The following FGD4 variants were observed in gnomAD, a reference collection of about 807,000 sequenced individuals.
The protein encoded by FGD4 is FYVE, RhoGEF and PH domain-containing protein 4.
A neutral mutation model predicts 102.0 loss-of-function variants in FGD4; 42 were observed. The ratio of observed to expected loss-of-function variants is 0.41; its 90% CI spans 0.32 to 0.53. FGD4 has a LOEUF of 0.53. Among genes scored for constraint, FGD4 ranks in the 20% least tolerant of loss-of-function variants. The probability of loss-of-function intolerance (pLI) is 0.21; values close to 1 mark genes in which losing one functional copy is unlikely to be tolerated. For synonymous variants in FGD4, 380 were observed against 375.7 expected, an observed-to-expected ratio of 1.01 and a Z score of -0.13; for missense variants, 902 against 1,078.2, an observed-to-expected ratio of 0.84 and a Z score of 2.29.
chr12:32,633,518 G>T, intron 14 of FGD4, 31 bp from the exon 15 acceptor site: 2 of 1,598,006 alleles, frequency 1.3e-6, no homozygotes, highest in South Asian at 2.2e-5. Flanking sequence ...CTTTAAATAT[G>T]ATTACTGTTC....
Position 32,585,834 on chromosome 12 carries a change from CAAAA to C in FGD4, c.1011+3390_1011+3393del, listed in dbSNP as rs58688697. Among the ~76,000 whole-genome samples the C allele has an allele frequency of 1.1e-3, 75 of 68,782 alleles. 1 individual carries two copies. The highest frequency in any genetic ancestry group is 7.1e-3 in the Middle Eastern group (1 of 140). The allele number at this position is 68,782 out of a possible 152,430, so 45.1% of individuals were successfully genotyped here. A position where few individuals can be genotyped will look rare whatever the true frequency, so the allele number is the denominator to read the frequency against. The stretch of plus-strand genomic sequence containing the variant: ...GGGCCACAGAGCTGAGACCTTGTCT[CAAAA>C]AAAAAAAAAAAAAAAAAAAAAAGGG... On this transcript the variant is annotated intron_variant, in intron 4 of 16. Coordinates refer to ENST00000534526, the MANE Select transcript of FGD4 (RefSeq NM_001370298.3).
At chr12:32,477,396 C>T (rs1380838269) in intron 1 of FGD4, 1 of 152,382 alleles carries the variant, frequency 6.6e-6, no homozygotes, top group Non-Finnish European at 1.5e-5. Context: ...ATATGGAACA[C>T]TTCACGAATT....
intron 1 of FGD4, among the ~76,000 whole-genome samples, chr12:32,404,751 G>T (rs902993360): frequency 2.7e-4 from 41 of 151,922 alleles, no homozygotes; most frequent in Non-Finnish European, 8.8e-5. Context: ...AGTATCTTTA[G>T]TATTATTAGA....
chr12:32,567,484 C>T (rs911389833), intron 2 of FGD4, among the ~76,000 whole-genome samples: 2 of 152,058 alleles, frequency 1.3e-5, no homozygotes, highest in African/African-American at 2.4e-5. Flanking sequence ...GGAGTTGCTA[C>T]TTGCAGCCAG....
intron 1 of FGD4, among the ~76,000 whole-genome samples, chr12:32,409,138 T>G (rs1173763439): frequency 6.6e-6 from 1 of 152,214 alleles, no homozygotes; most frequent in Non-Finnish European, 1.5e-5. Flanking sequence ...TAAAATGGAA[T>G]CTACCTGCTA....
At chr12:32,469,105 C>T (rs1048035178) in intron 1 of FGD4, among the ~76,000 whole-genome samples, 1 of 152,040 alleles carries the variant, frequency 6.6e-6, no homozygotes, top group Non-Finnish European at 1.5e-5. Context: ...GGGTTATAGG[C>T]ATGAGCCATT....
chr12:32,546,514 G>A (rs1592171974), intron 1 of FGD4, among the ~76,000 whole-genome samples: 1 of 152,250 alleles, frequency 6.6e-6, no homozygotes, highest in East Asian at 1.9e-4. Flanking sequence ...CCTATAATGT[G>A]CAGGTATCTG....
chr12:32,583,298 C>T (rs2136443132), intron 4 of FGD4, among the ~76,000 whole-genome samples: 1 of 152,286 alleles, frequency 6.6e-6, no homozygotes, highest in South Asian at 2.1e-4. Flanking sequence ...GATTGTGCCA[C>T]TGCACGCCAG....
At chr12:32,407,901 A>G (rs1451666443) in intron 1 of FGD4, among the ~76,000 whole-genome samples, 2 of 151,940 alleles carry the variant, frequency 1.3e-5, no homozygotes, top group Admixed American at 6.6e-5. Flanking sequence ...GTTACCTTCC[A>G]TGGTTTGCCC....
At chr12:32,400,959 A>G (rs535116719) in intron 1 of FGD4, among the ~76,000 whole-genome samples, 1 of 152,312 alleles carries the variant, frequency 6.6e-6, no homozygotes, top group African/African-American at 2.4e-5. Context: ...AAAAGATATA[A>G]CTACAGTAGA....
intron 1 of FGD4, among the ~76,000 whole-genome samples, chr12:32,433,160 C>T (rs1054633143): frequency 2.0e-5 from 3 of 151,862 alleles, no homozygotes; most frequent in South Asian, 4.2e-4. Flanking sequence ...CCACACCTCG[C>T]TAATTTTTGT....
chr12:32,543,682 A>G (rs1221013476), intron 1 of FGD4, among the ~76,000 whole-genome samples: 1 of 152,186 alleles, frequency 6.6e-6, no homozygotes, highest in South Asian at 2.1e-4. Flanking sequence ...GCTGGAGTGC[A>G]GTGGTGCAAT....
intron 1 of FGD4, chr12:32,485,814 GGC>G: frequency 1.0e-6 from 1 of 975,544 alleles, no homozygotes; most frequent in Non-Finnish European, 1.2e-6. Flanking sequence ...ACATGTATTT[GGC>G]ATCATACTTC....
intron 1 of FGD4, among the ~76,000 whole-genome samples, chr12:32,551,054 G>A (rs1178987736): frequency 1.3e-5 from 2 of 152,184 alleles, no homozygotes; most frequent in African/African-American, 4.8e-5. Flanking sequence ...GTTTGCAAGA[G>A]TCATGATTTT....
chr12:32,574,331 GTT>G (rs59873254), intron 2 of FGD4, among the ~76,000 whole-genome samples: 14,151 of 127,430 alleles, frequency 0.11, 731 homozygotes, highest in Middle Eastern at 0.19. Context: ...AACCTTAAGT[GTT>G]TTTTTTTTTT....
rs768536136 is a variant in FGD4 at position 32,530,941 on chromosome 12, G to GTTTTTTTTT, written c.167-33175_167-33167dup. Among the ~76,000 whole-genome samples, 535 of 70,492 alleles carry GTTTTTTTTT rather than the reference G, an allele frequency of 7.6e-3. 102 individuals carry two copies. The highest frequency in any genetic ancestry group is 0.024 in the African/African-American group (350 of 14,502). The allele number at this position is 70,492 out of a possible 152,430, so 46.2% of individuals were successfully genotyped here. A position where few individuals can be genotyped will look rare whatever the true frequency, so the allele number is the denominator to read the frequency against. On this transcript the variant is annotated intron_variant, in intron 1 of 16. Transcript: ENST00000534526. Reference sequence around the variant, plus strand: ...TATGACAATCAGTTTCCTAGCTTTGGTTTTTTTTTTTTTTTTTTTTTTTTT... The same window carrying GTTTTTTTTT: ...TATGACAATCAGTTTCCTAGCTTTGGTTTTTTTTTTTTTTTTTTTTTTTTTTTTTTTTTT...
At chr12:32,558,838 A>G (rs1440156584) in intron 1 of FGD4, among the ~76,000 whole-genome samples, 1 of 152,246 alleles carries the variant, frequency 6.6e-6, no homozygotes, top group Non-Finnish European at 1.5e-5. Flanking sequence ...GGATTCCTAT[A>G]GGAGATACAA....
intron 1 of FGD4, among the ~76,000 whole-genome samples, chr12:32,507,177 G>A (rs547884023): frequency 3.9e-4 from 59 of 149,780 alleles, no homozygotes; most frequent in Middle Eastern, 6.9e-3. Flanking sequence ...AGAACATGCG[G>A]TGTTTGGTTT....
intron 5 of FGD4, among the ~76,000 whole-genome samples, chr12:32,599,856 A>T (rs1458682237): frequency 6.6e-6 from 1 of 151,930 alleles, no homozygotes; most frequent in Non-Finnish European, 1.5e-5. Flanking sequence ...ACCCTAAGGC[A>T]TCCTAATCCT....
Sources: gnomAD v4.1 joint callset for allele counts (sites outside exome capture counted in the v4.1 genomes callset) on GRCh38, gnomAD v4.1.1 for gene constraint, MANE v1.5 for transcripts, NCBI Gene and HGNC (gene_info 2026-07-23, HGNC 2026-07-21) for gene names.